The following LAMA3 variants were observed in gnomAD, a reference collection of about 807,000 sequenced individuals.
LAMA3 encodes laminin subunit alpha 3, also known as laminin subunit alpha-3.
Under a neutral mutation model 402.0 loss-of-function variants are expected in LAMA3, and 281 were observed. The observed-to-expected ratio is 0.70, with a 90% CI of 0.63 to 0.77. The LOEUF (loss-of-function observed/expected upper bound fraction) is 0.77. Among genes scored for constraint, LAMA3 ranks in the 30% least tolerant of loss-of-function variants. The pLI is 0.00. For missense variants in LAMA3, 3,840 were observed against 4,215.5 expected (o/e 0.91, Z 2.47); for synonymous variants, 1,431 against 1,558.4 (o/e 0.92, Z 1.93).
intron 1 of LAMA3, among the ~76,000 whole-genome samples, chr18:23,712,785 G>A (rs2061020897): frequency 6.6e-6 from 1 of 151,042 alleles, no homozygotes; most frequent in African/African-American, 2.4e-5. Flanking sequence ...ATGCTGGCTA[G>A]GGGCAGAGCT....
chr18:23,942,140 C>T (rs1180907377), intron 68 of LAMA3, among the ~76,000 whole-genome samples: 2 of 152,236 alleles, frequency 1.3e-5, no homozygotes, highest in Non-Finnish European at 2.9e-5. Context: ...CTTCTGGTTT[C>T]TGCCTCCAAA....
intron 51 of LAMA3, among the ~76,000 whole-genome samples, chr18:23,904,927 A>G (rs994834404): frequency 7.2e-5 from 11 of 152,194 alleles, no homozygotes; most frequent in Admixed American, 4.6e-4. Flanking sequence ...CTGATTGTCA[A>G]TTTTCAACCT....
At chr18:23,698,072 T>C (rs2060716640) in intron 1 of LAMA3, among the ~76,000 whole-genome samples, 1 of 133,258 alleles carries the variant, frequency 7.5e-6, no homozygotes, top group South Asian at 2.5e-4. Flanking sequence ...TTAAAGGCCC[T>C]ATCTCAAAAT....
Position 23,822,293 on chromosome 18 carries a change from C to T in LAMA3, c.2346C>T (p.Gly782=), listed in dbSNP as rs1460413205. 4 of 1,613,576 alleles carry T rather than the reference C, an allele frequency of 2.5e-6. No homozygotes were observed. Among genetic ancestry groups the T allele is most frequent in the Admixed American group, 1.7e-5 (1 of 60,000 alleles). Residue 782 remains glycine, a synonymous_variant, in exon 20 of 75, where the codon GGC becomes GGT. Coordinates refer to ENST00000313654, the MANE Select transcript of LAMA3 (RefSeq NM_198129.4). ...CATTGAATGTAGGGAAGTCAAGTGG[C>T]TCCTTGTTTCGTGTTATTCTGAGAT... ...RITLNVGKSS[G]SLFRVILRYV...
At position 23,901,186 on chromosome 18, in the gene LAMA3, A is replaced by G. The variant is rs1046214462; in HGVS notation, c.6064A>G (p.Asn2022Asp). Residue 2022 changes from asparagine to aspartate, a missense_variant, in exon 48 of 75, where the codon AAC (asparagine) becomes GAC (aspartate). Asn to Asp is a conservative substitution (Grantham distance 23). Coordinates refer to ENST00000313654, the MANE Select transcript of LAMA3 (RefSeq NM_198129.4). ...THQGENNGLANSIRDSLNEYE... is the reference protein window; with the variant it reads ...THQGENNGLADSIRDSLNEYE... ...CCAGGGGGAGAACAATGGGCTTGCT[A>G]ACAGTATCCGGGATTCTTTAAATGA... 1 of 1,614,230 alleles carries G rather than the reference A, an allele frequency of 6.2e-7. No homozygotes were observed. Among genetic ancestry groups the G allele is most frequent in the Non-Finnish European group, 8.5e-7 (1 of 1,180,028 alleles).
At chr18:23,855,014 T>TA (rs1175759932) in intron 32 of LAMA3, among the ~76,000 whole-genome samples, 1 of 151,632 alleles carries the variant, frequency 6.6e-6, no homozygotes, top group Non-Finnish European at 1.5e-5. Context: ...TAAAAAAATT[T>TA]AAAAAAATAA....
Position 23,954,597 on chromosome 18 carries a change from A to C in LAMA3, c.9951A>C (p.Glu3317Asp). 1 of 1,613,992 alleles carries C rather than the reference A, an allele frequency of 6.2e-7. No homozygotes were observed. Among genetic ancestry groups the C allele is most frequent in the Non-Finnish European group, 8.5e-7 (1 of 1,179,984 alleles). ...HVNHIPVPVTEALEVQGPVSL... is the reference protein window; with the variant it reads ...HVNHIPVPVTDALEVQGPVSL... ...ATCACATCCCTGTCCCTGTCACTGA[A>C]GCCTTGGAAGTCCAGGGGCCTGTCA... Residue 3317 changes from glutamate to aspartate, a missense_variant, in exon 75 of 75, where the codon GAA (glutamate) becomes GAC (aspartate). Glu to Asp is a conservative substitution (Grantham distance 45). Around this residue, in one of 3 missense-constraint regions of LAMA3, gnomAD observed 840 missense variants for 981.9 expected, o/e 0.86. Coordinates refer to ENST00000313654, the MANE Select transcript of LAMA3 (RefSeq NM_198129.4).
chr18:23,726,832 G>A (rs1397195034), intron 2 of LAMA3, among the ~76,000 whole-genome samples: 2 of 152,142 alleles, frequency 1.3e-5, no homozygotes, highest in African/African-American at 4.8e-5. Context: ...TGGCAAGGCT[G>A]GTCTTGAGCT....
intron 38 of LAMA3, among the ~76,000 whole-genome samples, chr18:23,875,185 G>A (rs370317198): frequency 6.6e-6 from 1 of 152,124 alleles, no homozygotes; most frequent in Non-Finnish European, 1.5e-5. Context: ...TTGAATCTGT[G>A]CACTGATTTG....
chr18:23,713,963 C>T lies in LAMA3; in HGVS notation c.338C>T (p.Ala113Val). 2 of 1,613,642 alleles carry T rather than the reference C, an allele frequency of 1.2e-6. No individual in the cohort carries two copies. The highest frequency in any genetic ancestry group is 2.2e-5 in the South Asian group (2 of 91,056). ...DYCNSEDPRK[A>V]HPVTNAIDGS... is the part of the protein sequence containing the mutation. ...TGCAATTCTGAAGACCCCAGGAAAGCACATCCTGTCACCAATGCCATCGAT... is the reference window on the plus strand; with the variant it reads ...TGCAATTCTGAAGACCCCAGGAAAGTACATCCTGTCACCAATGCCATCGAT... Residue 113 changes from alanine to valine, a missense_variant, in exon 2 of 75, where the codon GCA becomes GTA. Physicochemically the swap from Ala to Val is moderately conservative, Grantham distance 64. Coordinates refer to ENST00000313654, the MANE Select transcript of LAMA3 (RefSeq NM_198129.4).
At chr18:23,769,240 A>G (rs1349769554) in intron 8 of LAMA3, among the ~76,000 whole-genome samples, 2 of 152,144 alleles carry the variant, frequency 1.3e-5, no homozygotes, top group Non-Finnish European at 2.9e-5. Context: ...TGGTAATACA[A>G]TGATCTGTAA....
In LAMA3 at chr18:23,777,607, G is replaced by A; in HGVS notation, c.1456G>A (p.Gly486Arg). The A allele has an allele frequency of 1.9e-6, 3 of 1,611,400 alleles. No individual in the cohort carries two copies. Among genetic ancestry groups the A allele is most frequent in the East Asian group, 2.2e-5 (1 of 44,870 alleles). Reference protein sequence around the residue: ...STPSSEDPVAGDIKGCDCNLE... With the variant: ...STPSSEDPVARDIKGCDCNLE... ...ACCAAGTTCAGAAGATCCAGTAGCTGGAGATATAAAAGGCAAGTAACCTCC... is the reference window on the plus strand; with the variant it reads ...ACCAAGTTCAGAAGATCCAGTAGCTAGAGATATAAAAGGCAAGTAACCTCC... Residue 486 changes from glycine to arginine, a missense_variant, in exon 11 of 75, where the codon GGA (glycine) becomes AGA (arginine). Gly to Arg is a moderately radical substitution (Grantham distance 125). Around this residue, in one of 3 missense-constraint regions of LAMA3, gnomAD observed 2,109 missense variants for 2,376.0 expected, o/e 0.89. Coordinates refer to ENST00000313654, the MANE Select transcript of LAMA3 (RefSeq NM_198129.4).
At chr18:23,704,418 G>A (rs2060849101) in intron 1 of LAMA3, among the ~76,000 whole-genome samples, 1 of 152,204 alleles carries the variant, frequency 6.6e-6, no homozygotes, top group South Asian at 2.1e-4. Flanking sequence ...GCCCCAGCAC[G>A]ACCTAGCTGT....
At chr18:23,881,513 T>A (rs895403419) in intron 39 of LAMA3, among the ~76,000 whole-genome samples, 3 of 152,354 alleles carry the variant, frequency 2.0e-5, no homozygotes, top group East Asian at 3.9e-4. Context: ...CTTGCTTTTT[T>A]AAATCCTCCC....
chr18:23,941,336 C>A (rs1418695041), intron 68 of LAMA3, among the ~76,000 whole-genome samples: 10 of 144,574 alleles, frequency 6.9e-5, no homozygotes, highest in East Asian at 2.1e-4. Flanking sequence ...GCCCCCCCCC[C>A]GCCCGGCAGC....
At chr18:23,723,782 G>A (rs545961053) in intron 2 of LAMA3, among the ~76,000 whole-genome samples, 1 of 152,256 alleles carries the variant, frequency 6.6e-6, no homozygotes, top group African/African-American at 2.4e-5. Context: ...GAGGGTTCTT[G>A]TGAGAAATTA....
At chr18:23,951,447 G>A (rs2082904633) in intron 72 of LAMA3, among the ~76,000 whole-genome samples, 1 of 152,158 alleles carries the variant, frequency 6.6e-6, no homozygotes, top group Admixed American at 6.5e-5. Flanking sequence ...CATTGCCATT[G>A]GCAACGACTT....
intron 12 of LAMA3, among the ~76,000 whole-genome samples, chr18:23,802,268 C>G (rs1262985012): frequency 6.6e-6 from 1 of 152,194 alleles, no homozygotes; most frequent in African/African-American, 2.4e-5. Context: ...AAGGGATACT[C>G]AAACTGTATT....
chr18:23,888,724 A>T (rs1480496868), intron 41 of LAMA3, among the ~76,000 whole-genome samples: 1 of 152,172 alleles, frequency 6.6e-6, no homozygotes, highest in Non-Finnish European at 1.5e-5. Context: ...CGTGTATTGG[A>T]ATTGCCTAAT....
Sources: gnomAD v4.1 joint callset for allele counts (sites outside exome capture counted in the v4.1 genomes callset) on GRCh38, gnomAD v4.1.1 for gene constraint, gnomAD v4.1.1 regional missense constraint, MANE v1.5 for transcripts, NCBI Gene and HGNC (gene_info 2026-07-23, HGNC 2026-07-21) for gene names.